RALY: variants seen among roughly 807,000 people sequenced by gnomAD.
RALY encodes the protein RNA-binding protein Raly.
In RALY, 15 loss-of-function variants were observed where a neutral mutation model predicts 30.7. That is an observed-to-expected ratio of 0.49 (90% CI 0.33 to 0.75). The LOEUF (loss-of-function observed/expected upper bound fraction) is 0.75, where lower values mean the gene tolerates loss of function less well. Ranked by LOEUF, RALY falls within the 30% of genes least tolerant of loss-of-function variation. RALY has a pLI of 0.02. For synonymous variants in RALY, 177 were observed against 170.8 expected, an observed-to-expected ratio of 1.04 and a Z score of -0.28; for missense variants, 339 against 414.3, an observed-to-expected ratio of 0.82 and a Z score of 1.58.
At chr20:34,076,175 A>ATT in intron 6 of RALY, 135 bp downstream of exon 6, 2 of 1,105,576 alleles carry the variant, frequency 1.8e-6, no homozygotes, top group South Asian at 3.2e-5. Flanking sequence ...ACAGCCAAGT[A>ATT]TTTTCATGCA....
At chr20:34,048,744 T>G (rs2123163374) in intron 2 of RALY, among the ~76,000 whole-genome samples, 1 of 148,766 alleles carries the variant, frequency 6.7e-6, no homozygotes, top group East Asian at 2.1e-4. Flanking sequence ...TAGTCCCAGC[T>G]ACTCGGGAAG....
chr20:34,062,594 C>A (rs558613810), intron 2 of RALY, among the ~76,000 whole-genome samples: 3 of 152,324 alleles, frequency 2.0e-5, no homozygotes, highest in Admixed American at 2.0e-4. Flanking sequence ...ATGGCCATAG[C>A]CTGGAGCAGG....
intron 2 of RALY, among the ~76,000 whole-genome samples, chr20:34,053,695 C>G (rs931552148): frequency 3.3e-5 from 5 of 152,102 alleles, no homozygotes; most frequent in African/African-American, 1.2e-4. Flanking sequence ...CCATGCCTAG[C>G]CAAGAAATAT....
At chr20:34,063,755 A>G (rs886785036) in intron 2 of RALY, among the ~76,000 whole-genome samples, 1 of 152,170 alleles carries the variant, frequency 6.6e-6, no homozygotes, top group Non-Finnish European at 1.5e-5. Flanking sequence ...AGAAAGGGAT[A>G]CATTTTGTAT....
chr20:34,023,631 G>A (rs552351548), intron 1 of RALY, among the ~76,000 whole-genome samples: 2 of 152,158 alleles, frequency 1.3e-5, no homozygotes, highest in African/African-American at 4.8e-5. Flanking sequence ...CTCTCATGTG[G>A]AGCTAACCCC....
intron 3 of RALY, among the ~76,000 whole-genome samples, chr20:34,073,158 G>T (rs1467941018): frequency 6.6e-6 from 1 of 152,160 alleles, no homozygotes; most frequent in African/African-American, 2.4e-5. Context: ...CGTTACCTGT[G>T]TGTGAGTTTC....
In RALY at chr20:34,081,582, C is replaced by T. The variant is rs1289596321; in HGVS notation, c.*1677C>T. 1.3e-5 allele frequency: 2 copies of T among 152,290 alleles called. No individual in the cohort carries two copies. The highest frequency in any genetic ancestry group is 1.3e-4 in the Admixed American group (2 of 15,284). The allele number at this position is 152,290 out of a possible 1,614,324, so 9.4% of individuals were successfully genotyped here. On this transcript the variant is annotated 3_prime_UTR_variant, in exon 10 of 10. Transcript: ENST00000246194. ...ACTCCCCATTTCAAACCAACCCGGT[C>T]TACAGCCTCCAGGGAAGCTTCCTCC...
intron 1 of RALY, among the ~76,000 whole-genome samples, chr20:34,000,179 A>G (rs1240116610): frequency 6.6e-6 from 1 of 152,186 alleles, no homozygotes; most frequent in Non-Finnish European, 1.5e-5. Flanking sequence ...AATTGTGCTC[A>G]GGGTGCAGCT....
At chr20:34,027,936 A>G (rs2032104728) in intron 1 of RALY, among the ~76,000 whole-genome samples, 1 of 152,234 alleles carries the variant, frequency 6.6e-6, no homozygotes, top group Non-Finnish European at 1.5e-5. Context: ...TGAGATGCAG[A>G]TTAGAACTCA....
Position 34,077,254 on chromosome 20 carries a change from C to T in RALY, c.876+9C>T. ...ACAGCGAGGAAGAGCTGGTGAGGGC[C>T]TGGCCAGGGGCACGACTGGGACTCG... On this transcript the variant is annotated intron_variant, in intron 8 of 9. Transcript: ENST00000246194. 12 of 1,613,562 alleles carry T rather than the reference C, an allele frequency of 7.4e-6. No individual in the cohort carries two copies. Among genetic ancestry groups the T allele is most frequent in the Non-Finnish European group, 1.0e-5 (12 of 1,179,740 alleles).
intron 2 of RALY, among the ~76,000 whole-genome samples, chr20:34,032,710 A>C (rs1176638351): frequency 6.6e-6 from 1 of 152,070 alleles, no homozygotes; most frequent in African/African-American, 2.4e-5. Flanking sequence ...GAACTGAAAT[A>C]ATTTGCCCAG....
chr20:34,036,153 T>A (rs2032487997), intron 2 of RALY, among the ~76,000 whole-genome samples: 1 of 151,806 alleles, frequency 6.6e-6, no homozygotes, highest in African/African-American at 2.4e-5. Context: ...AAAAAAAAAA[T>A]TCCCCTGCCT....
chr20:34,079,063 CTAGTTGGTAGAGGACTCTGCT>C (rs2033973344), intron 9 of RALY, among the ~76,000 whole-genome samples: 1 of 152,126 alleles, frequency 6.6e-6, no homozygotes, highest in Admixed American at 6.5e-5. Context: ...CAGTGCCCCC[CTAGTTGGTAGAGGACTCTGCT>C]TATTGTCAGA....
At chr20:34,024,598 G>T (rs914513910) in intron 1 of RALY, among the ~76,000 whole-genome samples, 1 of 152,130 alleles carries the variant, frequency 6.6e-6, no homozygotes, top group African/African-American at 2.4e-5. Context: ...GTGAACATGG[G>T]TTGGGCTCAA....
chr20:34,082,835 A>C lies in RALY; in HGVS notation c.*2930A>C, dbSNP rs1181129695. 6.6e-6 allele frequency: 1 copy of C among 152,266 alleles called. No individual in the cohort carries two copies. Among genetic ancestry groups the C allele is most frequent in the African/African-American group, 2.4e-5 (1 of 41,476 alleles). The allele number at this position is 152,266 out of a possible 1,614,324, so 9.4% of individuals were successfully genotyped here. ...TTTTCTAACATCTGAAAACTCCAGA[A>C]GGAGATGGTGATAAATGTGGTACCG... On this transcript the variant is annotated 3_prime_UTR_variant, in exon 10 of 10. Coordinates refer to ENST00000246194, the MANE Select transcript of RALY (RefSeq NM_016732.3).
At chr20:34,047,392 C>T (rs2032918355) in intron 2 of RALY, among the ~76,000 whole-genome samples, 2 of 152,094 alleles carry the variant, frequency 1.3e-5, no homozygotes, top group Admixed American at 1.3e-4. Flanking sequence ...GATGGTGACT[C>T]TGCTTGGATT....
At chr20:34,056,677 A>G (rs545474854) in intron 2 of RALY, among the ~76,000 whole-genome samples, 31 of 152,342 alleles carry the variant, frequency 2.0e-4, no homozygotes, top group Non-Finnish European at 3.8e-4. Context: ...ACAGTAGACT[A>G]TACATCTTCA....
intron 2 of RALY, among the ~76,000 whole-genome samples, chr20:34,057,198 C>T (rs1470268350): frequency 6.6e-6 from 1 of 151,978 alleles, no homozygotes; most frequent in East Asian, 1.9e-4. Flanking sequence ...GTTATCTAAC[C>T]ATGTAATCCA....
chr20:34,047,729 G>C (rs1039598855), intron 2 of RALY, among the ~76,000 whole-genome samples: 2 of 152,142 alleles, frequency 1.3e-5, no homozygotes, highest in African/African-American at 4.8e-5. Flanking sequence ...GTTGATATCT[G>C]CTTTTGAGGT....
Sources: gnomAD v4.1 joint callset for allele counts (sites outside exome capture counted in the v4.1 genomes callset) on GRCh38, gnomAD v4.1.1 for gene constraint, MANE v1.5 for transcripts, NCBI Gene and HGNC (gene_info 2026-07-23, HGNC 2026-07-21) for gene names.